Variants in STUM observed in about 807,000 individuals in gnomAD.
STUM encodes stum, mechanosensory transduction mediator homolog, also known as protein stum homolog.
Under a neutral mutation model 15.3 loss-of-function variants are expected in STUM, and 8 were observed. The observed-to-expected ratio is 0.52, with a 90% CI of 0.31 to 0.94. STUM has a LOEUF of 0.94. Ranked by LOEUF, STUM falls within the 40% of genes least tolerant of loss-of-function variation. STUM has a pLI of 0.05. For missense variants in STUM, 142 were observed against 204.9 expected (o/e 0.69, Z 1.87); for synonymous variants, 78 against 88.7 (o/e 0.88, Z 0.68).
intron 1 of STUM, among the ~76,000 whole-genome samples, chr1:226,566,417 C>T (rs1299362770): frequency 6.6e-6 from 1 of 152,168 alleles, no homozygotes; most frequent in Admixed American, 6.5e-5. Flanking sequence ...AATAGAGATT[C>T]AGCCAGGCTA....
At position 226,603,207 on chromosome 1, in the gene STUM, G is replaced by A. The variant is rs1292689654; in HGVS notation, c.*1167G>A. Reference sequence around the variant, plus strand: ...CCTGCTTGCAAACAGATGTGTTAGAGGGTGAAATTGTCGGCATTACACAAG... The same window carrying A: ...CCTGCTTGCAAACAGATGTGTTAGAAGGTGAAATTGTCGGCATTACACAAG... On this transcript the variant is annotated 3_prime_UTR_variant, in exon 4 of 4. Coordinates refer to ENST00000366788, the MANE Select transcript of STUM (RefSeq NM_001003665.4). 3 of 152,200 alleles carry A rather than the reference G, an allele frequency of 2.0e-5. No homozygotes were observed. Among genetic ancestry groups the A allele is most frequent in the Non-Finnish European group, 4.4e-5 (3 of 68,038 alleles). 9.4% of individuals were successfully genotyped at this position (152,200 alleles called of 1,614,324 possible).
chr1:226,607,191 CTG>C lies in STUM; in HGVS notation c.*5155_*5156del, dbSNP rs1212297951. 1 of 152,376 alleles carries C rather than the reference CTG, an allele frequency of 6.6e-6. No individual in the cohort carries two copies. The highest frequency in any genetic ancestry group is 1.9e-4 in the East Asian group (1 of 5,186). 9.4% of individuals were successfully genotyped at this position (152,376 alleles called of 1,614,324 possible). A position where few individuals can be genotyped will look rare whatever the true frequency, so the allele number is the denominator to read the frequency against. On this transcript the variant is annotated 3_prime_UTR_variant, in exon 4 of 4. Transcript: ENST00000366788. Reference sequence around the variant, plus strand: ...GCAGGTGGGTGCAAGGCTCAGGGGCCTGTGTTTTTCATCAATCAGTTTTCTTC... The same window carrying C: ...GCAGGTGGGTGCAAGGCTCAGGGGCCTGTTTTTCATCAATCAGTTTTCTTC...
intron 1 of STUM, among the ~76,000 whole-genome samples, chr1:226,595,306 C>G (rs1668160535): frequency 6.6e-6 from 1 of 152,106 alleles, no homozygotes; most frequent in Admixed American, 6.5e-5. Flanking sequence ...CCTGCTAGGC[C>G]CCCGACCAAT....
At chr1:226,562,127 A>G (rs1189537854) in intron 1 of STUM, among the ~76,000 whole-genome samples, 1 of 152,154 alleles carries the variant, frequency 6.6e-6, no homozygotes, top group African/African-American at 2.4e-5. Flanking sequence ...AGCTGTGAAT[A>G]TACTAAAAGC....
chr1:226,590,164 G>C (rs1668063984), intron 1 of STUM, among the ~76,000 whole-genome samples: 1 of 151,104 alleles, frequency 6.6e-6, no homozygotes, highest in Non-Finnish European at 1.5e-5. Flanking sequence ...TCTTCACCCT[G>C]TCCCCCGACC....
intron 1 of STUM, among the ~76,000 whole-genome samples, chr1:226,550,044 C>T (rs1667346562): frequency 6.6e-6 from 1 of 152,154 alleles, no homozygotes; most frequent in African/African-American, 2.4e-5. Flanking sequence ...CTGGGAGGTG[C>T]CCCCCTCTCC....
Position 226,548,991 on chromosome 1 carries a change from C to G in STUM, c.87C>G (p.Ser29Arg). 6.5e-7 allele frequency: 1 copy of G among 1,543,234 alleles called. No homozygotes were observed. The highest frequency in any genetic ancestry group is 2.6e-5 in the East Asian group (1 of 38,366). Residue 29 changes from serine to arginine, a missense_variant, in exon 1 of 4, where the codon AGC becomes AGG. Physicochemically the swap from Ser to Arg is moderately radical, Grantham distance 110. This residue lies in a region of STUM where 113 missense variants were observed against 134.4 expected (regional missense o/e 0.84). Coordinates refer to ENST00000366788, the MANE Select transcript of STUM (RefSeq NM_001003665.4). Reference protein sequence around the residue: ...AADPRGASSSSGVVVQVREKK... With the variant: ...AADPRGASSSRGVVVQVREKK... ...ACCCCCGGGGGGCGTCCTCGTCCAG[C>G]GGGGTGGTGGTGCAGGTCCGCGAGA... is the stretch of plus-strand genomic sequence containing the variant.
At position 226,549,255 on chromosome 1, in the gene STUM, G is replaced by A. The variant is rs1053718823; in HGVS notation, c.202+149G>A. On this transcript the variant is annotated intron_variant, in intron 1 of 3. Transcript: ENST00000366788. The surrounding 1 kb of genome is among the most constrained non-coding windows in gnomAD (Gnocchi z 6.8). ...CCACCGCCCGCTCCTGGCGTCCCCG[G>A]GCAGGTGGCAGAAGCGCGTGGAGTG... The A allele has an allele frequency of 1.1e-4, 71 of 663,680 alleles. No individual in the cohort carries two copies. The African/African-American group carries it at 1.2e-3, about 12-fold the overall frequency. The allele number at this position is 663,680 out of a possible 1,614,324, so 41.1% of individuals were successfully genotyped here. A position where few individuals can be genotyped will look rare whatever the true frequency, so the allele number is the denominator to read the frequency against.
intron 2 of STUM, among the ~76,000 whole-genome samples, chr1:226,598,895 C>T (rs1035814679): frequency 3.3e-5 from 5 of 152,144 alleles, no homozygotes; most frequent in African/African-American, 1.2e-4. Flanking sequence ...AAAGACATAT[C>T]CAAGACTGGG....
At chr1:226,566,574 A>C (rs1558279757) in intron 1 of STUM, among the ~76,000 whole-genome samples, 1 of 152,046 alleles carries the variant, frequency 6.6e-6, no homozygotes, top group African/African-American at 2.4e-5. Context: ...TCTCTTACCC[A>C]CATTTTTTTT....
In STUM at chr1:226,608,816, C is replaced by CCCGCCTGGGGCCCA. The variant is rs1668402564; in HGVS notation, c.*6776_*6777insCCGCCTGGGGCCCA. 1 of 151,948 alleles carries CCCGCCTGGGGCCCA rather than the reference C, an allele frequency of 6.6e-6. No homozygotes were observed. The highest frequency in any genetic ancestry group is 1.5e-5 in the Non-Finnish European group (1 of 68,052). The allele number at this position is 151,948 out of a possible 1,614,324, so 9.4% of individuals were successfully genotyped here. On this transcript the variant is annotated 3_prime_UTR_variant, in exon 4 of 4. Coordinates refer to ENST00000366788, the MANE Select transcript of STUM (RefSeq NM_001003665.4). This position sits in a 1 kb window ranked among gnomAD's most constrained non-coding sequence, Gnocchi z 4.0. ...GCCGGAACCCTGCAGCCTGGGGCCCCAGCCCGCCTGCAGCTCAGCTTTCCC... is the reference window on the plus strand; with the variant it reads ...GCCGGAACCCTGCAGCCTGGGGCCCCCCGCCTGGGGCCCAAGCCCGCCTGCAGCTCAGCTTTCCC...
chr1:226,570,101 A>T (rs143011252), intron 1 of STUM, among the ~76,000 whole-genome samples: 2,255 of 151,984 alleles, frequency 0.015, 58 homozygotes, highest in African/African-American at 0.052. Context: ...CCCCTGCTGG[A>T]TGTTTGCAGG....
intron 1 of STUM, among the ~76,000 whole-genome samples, chr1:226,558,432 T>A (rs138564236): frequency 6.6e-6 from 1 of 152,124 alleles, no homozygotes; most frequent in African/African-American, 2.4e-5. Context: ...CTCAATTCCA[T>A]GCAGCACATG....
intron 1 of STUM, among the ~76,000 whole-genome samples, chr1:226,559,054 T>C (rs1667495250): frequency 6.6e-6 from 1 of 152,272 alleles, no homozygotes; most frequent in African/African-American, 2.4e-5. Context: ...CATGCATTTA[T>C]TTTATGACAG....
chr1:226,599,569 T>C (rs1668234230), intron 2 of STUM, among the ~76,000 whole-genome samples: 1 of 152,268 alleles, frequency 6.6e-6, no homozygotes, highest in African/African-American at 2.4e-5. Context: ...CAGTACACTT[T>C]GGCTTTTCGC....
At chr1:226,581,879 A>C (rs1667924055) in intron 1 of STUM, among the ~76,000 whole-genome samples, 1 of 152,212 alleles carries the variant, frequency 6.6e-6, no homozygotes. Context: ...CATTCCAGGG[A>C]CATCCTGCAC....
chr1:226,599,198 C>T (rs1668227744), intron 2 of STUM, among the ~76,000 whole-genome samples: 1 of 152,134 alleles, frequency 6.6e-6, no homozygotes, highest in Non-Finnish European at 1.5e-5. Context: ...TGGGTGGGGA[C>T]ACAGCCAAAC....
At chr1:226,585,072 A>G (rs1417704042) in intron 1 of STUM, among the ~76,000 whole-genome samples, 1 of 152,210 alleles carries the variant, frequency 6.6e-6, no homozygotes, top group Non-Finnish European at 1.5e-5. Flanking sequence ...AGTCATCACA[A>G]TTATAATTTT....
intron 1 of STUM, among the ~76,000 whole-genome samples, chr1:226,576,958 C>T (rs529973140): frequency 2.0e-5 from 3 of 152,230 alleles, no homozygotes; most frequent in Non-Finnish European, 2.9e-5. Context: ...CTACAGCAAA[C>T]ATAGCTACCC....
Sources: allele counts gnomAD v4.1 joint callset (sites outside exome capture counted in the v4.1 genomes callset), GRCh38; gene constraint gnomAD v4.1.1; regional missense constraint gnomAD v4.1.1; non-coding constraint Gnocchi (gnomAD v3.1); transcripts MANE v1.5; gene names NCBI Gene and HGNC (gene_info 2026-07-23, HGNC 2026-07-21).